Variants in ITPR1 observed in about 807,000 individuals in gnomAD.
The protein encoded by ITPR1 is inositol 1,4,5-trisphosphate-gated calcium channel ITPR1.
ITPR1 carries 96 observed loss-of-function variants against 318.4 expected under a neutral mutation model. The ratio of observed to expected loss-of-function variants is 0.30; its 90% CI spans 0.26 to 0.36. ITPR1 has a LOEUF of 0.36. Among genes scored for constraint, ITPR1 ranks in the 10% least tolerant of loss-of-function variants. The pLI, the probability that ITPR1 is intolerant of heterozygous loss-of-function variation, is 1.00. For synonymous variants in ITPR1, 1,312 were observed against 1,289.9 expected, an observed-to-expected ratio of 1.02 and a Z score of -0.37; for missense variants, 2,440 against 3,460.2, an observed-to-expected ratio of 0.71 and a Z score of 7.40.
At chr3:4,585,027 C>A (rs1483205418) in intron 4 of ITPR1, among the ~76,000 whole-genome samples, 2 of 152,194 alleles carry the variant, frequency 1.3e-5, no homozygotes, top group Non-Finnish European at 2.9e-5. Context: ...GGTCTACCCA[C>A]GTCAGTGAGA....
intron 12 of ITPR1, among the ~76,000 whole-genome samples, chr3:4,655,536 A>G (rs1227036328): frequency 6.6e-6 from 1 of 152,196 alleles, no homozygotes; most frequent in Non-Finnish European, 1.5e-5. Flanking sequence ...CCAGATCATT[A>G]GCATTTTTAG....
At chr3:4,592,329 C>G (rs964068259) in intron 4 of ITPR1, among the ~76,000 whole-genome samples, 13 of 152,210 alleles carry the variant, frequency 8.5e-5, no homozygotes, top group Non-Finnish European at 1.2e-4. Context: ...AGTTCTAACA[C>G]ATTGATGGTA....
At chr3:4,607,101 A>T (rs2091757324) in intron 4 of ITPR1, among the ~76,000 whole-genome samples, 1 of 152,172 alleles carries the variant, frequency 6.6e-6, no homozygotes, top group Admixed American at 6.5e-5. Context: ...GAGCTGTTAC[A>T]GATGTGTCCC....
At chr3:4,669,154 T>C (rs1463137379) in intron 18 of ITPR1, among the ~76,000 whole-genome samples, 1 of 152,226 alleles carries the variant, frequency 6.6e-6, no homozygotes, top group Non-Finnish European at 1.5e-5. Context: ...CCGTTAATTA[T>C]CTCATTTAAT....
intron 4 of ITPR1, among the ~76,000 whole-genome samples, chr3:4,589,200 CT>C (rs1214252074): frequency 6.6e-6 from 1 of 152,138 alleles, no homozygotes; most frequent in Non-Finnish European, 1.5e-5. Flanking sequence ...GTATATAAAA[CT>C]GCAACCTAGG....
At chr3:4,823,625 C>T (rs917479754) in intron 60 of ITPR1, among the ~76,000 whole-genome samples, 1 of 151,666 alleles carries the variant, frequency 6.6e-6, no homozygotes, top group African/African-American at 2.4e-5. Flanking sequence ...AAATTGATCA[C>T]GTGGCAAGTG....
chr3:4,733,074 C>T lies in ITPR1; in HGVS notation c.5221-14C>T. On this transcript the variant is annotated splice_polypyrimidine_tract_variant and intron_variant, in intron 42 of 61. Transcript: ENST00000649015. ...AAATGCAGAAGCTGATTTTATTATC[C>T]TGTTTGAATTAAGGGTGAGGCGCTC... is the stretch of plus-strand genomic sequence containing the variant. 1 of 1,609,790 alleles carries T rather than the reference C, an allele frequency of 6.2e-7. No individual in the cohort carries two copies. Among genetic ancestry groups the T allele is most frequent in the Non-Finnish European group, 8.5e-7 (1 of 1,177,846 alleles).
At chr3:4,763,744 C>T (rs1465492149) in intron 44 of ITPR1, among the ~76,000 whole-genome samples, 2 of 152,256 alleles carry the variant, frequency 1.3e-5, no homozygotes, top group Non-Finnish European at 2.9e-5. Flanking sequence ...GCGTTCTCAG[C>T]GCCTGGCCCT....
chr3:4,681,309 A>G (rs1432108167), intron 25 of ITPR1, 55 bp from the exon 26 acceptor site: 2 of 1,232,080 alleles, frequency 1.6e-6, no homozygotes, highest in East Asian at 4.6e-5. Context: ...TGAGTTCACC[A>G]GCAGCATGTT....
chr3:4,744,001 A>AT (rs2043895843), intron 44 of ITPR1, among the ~76,000 whole-genome samples: 2 of 152,094 alleles, frequency 1.3e-5, no homozygotes, highest in Non-Finnish European at 2.9e-5. Context: ...CGCCCAGCTA[A>AT]TTTTTTGTAT....
chr3:4,806,364 T>C (rs1157282161), intron 55 of ITPR1, 97 bp downstream of exon 55: 1 of 1,173,108 alleles, frequency 8.5e-7, no homozygotes, highest in African/African-American at 1.5e-5. Flanking sequence ...TAATGGTGAT[T>C]GGTGTGCCTG....
intron 40 of ITPR1, 82 bp from the exon 41 acceptor site, chr3:4,725,464 T>G: frequency 8.6e-7 from 1 of 1,160,968 alleles, no homozygotes; most frequent in Admixed American, 1.7e-5. Flanking sequence ...TGTTTTGTCC[T>G]TGAGTGTTGG....
chr3:4,682,490 T>G (rs1487068223), intron 26 of ITPR1, among the ~76,000 whole-genome samples: 1 of 152,224 alleles, frequency 6.6e-6, no homozygotes, highest in East Asian at 1.9e-4. Context: ...GAACACTCTG[T>G]TGGGGCCCAC....
At chr3:4,683,869 T>C in intron 28 of ITPR1, 71 bp downstream of exon 28, 1 of 1,348,892 alleles carries the variant, frequency 7.4e-7, no homozygotes, top group East Asian at 2.4e-5. Flanking sequence ...CATCCTCTTC[T>C]GGTTTTAGGT....
At chr3:4,750,790 A>G (rs2044446928) in intron 44 of ITPR1, 1 of 146,446 alleles carries the variant, frequency 6.8e-6, no homozygotes, top group Non-Finnish European at 1.5e-5. Flanking sequence ...ACACCTACTC[A>G]TGATTCTTGG....
chr3:4,503,611 C>A (rs938580663), intron 2 of ITPR1, among the ~76,000 whole-genome samples: 100 of 152,186 alleles, frequency 6.6e-4, no homozygotes, highest in Middle Eastern at 3.4e-3. Context: ...TTCTATCTGG[C>A]AGGCAGGGGT....
chr3:4,817,042 A>G (rs2049349596), intron 59 of ITPR1, among the ~76,000 whole-genome samples: 1 of 152,194 alleles, frequency 6.6e-6, no homozygotes, highest in Non-Finnish European at 1.5e-5. Context: ...TGATGTTCAA[A>G]TTGCTTCAGA....
intron 5 of ITPR1, among the ~76,000 whole-genome samples, chr3:4,638,134 T>A (rs573855854): frequency 1.3e-4 from 20 of 152,006 alleles, no homozygotes; most frequent in African/African-American, 4.3e-4. Flanking sequence ...TCTGTGAAAA[T>A]GAAGACACAT....
chr3:4,744,082 C>T (rs993908757), intron 44 of ITPR1, among the ~76,000 whole-genome samples: 6 of 152,152 alleles, frequency 3.9e-5, no homozygotes, highest in African/African-American at 7.2e-5. Context: ...GTGATCCGCC[C>T]GCCTCAGCCT....
Sources: allele counts gnomAD v4.1 joint callset (sites outside exome capture counted in the v4.1 genomes callset), GRCh38; gene constraint gnomAD v4.1.1; transcripts MANE v1.5; gene names NCBI Gene and HGNC (gene_info 2026-07-23, HGNC 2026-07-21).